The following EXOC4 variants were observed in gnomAD, a reference collection of about 807,000 sequenced individuals.
The protein encoded by EXOC4 is exocyst complex component 4.
A neutral mutation model predicts 107.2 loss-of-function variants in EXOC4; 71 were observed. That is an observed-to-expected ratio of 0.66 (90% CI 0.55 to 0.81). The LOEUF (loss-of-function observed/expected upper bound fraction) is 0.81. Among genes scored for constraint, EXOC4 ranks in the 30% least tolerant of loss-of-function variants. The probability of loss-of-function intolerance (pLI) is 0.00; values close to 1 mark genes in which losing one functional copy is unlikely to be tolerated. For synonymous variants in EXOC4, 456 were observed against 441.2 expected (o/e 1.03, Z -0.42); for missense variants, 1,108 against 1,189.6 (o/e 0.93, Z 1.01).
At chr7:133,257,245 G>C (rs930437021) in intron 1 of EXOC4, among the ~76,000 whole-genome samples, 1 of 150,758 alleles carries the variant, frequency 6.6e-6, no homozygotes, top group African/African-American at 2.5e-5. Context: ...AACCGGGGGG[G>C]ACAGAATCCT....
At chr7:133,955,327 T>C (rs572598746) in intron 14 of EXOC4, among the ~76,000 whole-genome samples, 10 of 152,152 alleles carry the variant, frequency 6.6e-5, no homozygotes, top group Non-Finnish European at 1.0e-4. Context: ...GCTCTCAGCA[T>C]AGAGGAGACC....
chr7:133,616,647 C>G (rs1802201361), intron 9 of EXOC4, among the ~76,000 whole-genome samples: 1 of 151,868 alleles, frequency 6.6e-6, no homozygotes, highest in Admixed American at 6.6e-5. Flanking sequence ...TCTTAGAAAA[C>G]AAAGAGAGTA....
At chr7:133,919,361 T>TA (rs1470160324) in intron 13 of EXOC4, among the ~76,000 whole-genome samples, 2 of 152,218 alleles carry the variant, frequency 1.3e-5, no homozygotes, top group African/African-American at 2.4e-5. Flanking sequence ...ATTGATGAGC[T>TA]AATACTGATA....
At chr7:133,811,081 A>T (rs1797217752) in intron 10 of EXOC4, among the ~76,000 whole-genome samples, 1 of 152,068 alleles carries the variant, frequency 6.6e-6, no homozygotes, top group Non-Finnish European at 1.5e-5. Flanking sequence ...CGCTCCCCAT[A>T]CAGCATTATG....
chr7:133,455,959 A>C (rs1798454382), intron 7 of EXOC4, among the ~76,000 whole-genome samples: 1 of 152,238 alleles, frequency 6.6e-6, no homozygotes, highest in Non-Finnish European at 1.5e-5. Flanking sequence ...CTGAGAAAAT[A>C]AATTATAAGG....
chr7:133,970,019 C>A (rs896800679), intron 14 of EXOC4, among the ~76,000 whole-genome samples: 2 of 152,218 alleles, frequency 1.3e-5, no homozygotes. Context: ...GGGGCTGCTG[C>A]CTTTCTTTCA....
intron 7 of EXOC4, among the ~76,000 whole-genome samples, chr7:133,464,716 TAAAAC>T (rs1029538054): frequency 2.0e-5 from 3 of 151,364 alleles, no homozygotes; most frequent in African/African-American, 7.3e-5. Flanking sequence ...ATACTAGTCT[TAAAAC>T]AGAGTAAAAT....
intron 6 of EXOC4, among the ~76,000 whole-genome samples, chr7:133,372,161 T>C (rs189345486): frequency 6.6e-6 from 1 of 152,374 alleles, no homozygotes; most frequent in East Asian, 1.9e-4. Flanking sequence ...TCATTTTATG[T>C]ATTGCCTTTT....
chr7:133,693,829 A>T lies in EXOC4; in HGVS notation c.1514+63688A>T, dbSNP rs192937055. Among the ~76,000 whole-genome samples, 37 of 152,344 alleles carry T rather than the reference A, an allele frequency of 2.4e-4. No individual in the cohort carries two copies. In the East Asian group the frequency reaches 6.9e-3, roughly 29 times the overall value. On this transcript the variant is annotated intron_variant, in intron 10 of 17. Coordinates refer to ENST00000253861, the MANE Select transcript of EXOC4 (RefSeq NM_021807.4). ...GATAGGAAGACACAACTAAGGTCTC[A>T]GATGAGGCTTCAGAAAAGAGATTAT...
At position 133,893,251 on chromosome 7, in the gene EXOC4, C is replaced by T. The variant is rs1799232185; in HGVS notation, c.1735-2348C>T. On this transcript the variant is annotated intron_variant, in intron 11 of 17. Coordinates refer to ENST00000253861, the MANE Select transcript of EXOC4 (RefSeq NM_021807.4). Reference sequence around the variant, plus strand: ...TTATCAGAGACTAGGATTGCAACCCCTGCCTTTTTTTGTTTTCCATTTGCT... The same window carrying T: ...TTATCAGAGACTAGGATTGCAACCCTTGCCTTTTTTTGTTTTCCATTTGCT... 2.5e-5 allele frequency among the ~76,000 whole-genome samples: 2 copies of T among 78,556 alleles called. 1 individual carries two copies. Among genetic ancestry groups the T allele is most frequent in the Non-Finnish European group, 4.4e-5 (2 of 45,566 alleles). 51.5% of individuals were successfully genotyped at this position (78,556 alleles called of 152,430 possible).
intron 14 of EXOC4, among the ~76,000 whole-genome samples, chr7:133,954,396 A>G (rs970218531): frequency 6.6e-6 from 1 of 152,234 alleles, no homozygotes; most frequent in African/African-American, 2.4e-5. Context: ...TTGAAGCTGT[A>G]ATCATTAGGA....
At chr7:133,796,396 A>G (rs1283082434) in intron 10 of EXOC4, among the ~76,000 whole-genome samples, 2 of 152,218 alleles carry the variant, frequency 1.3e-5, no homozygotes, top group African/African-American at 2.4e-5. Flanking sequence ...AAGATTCCTC[A>G]GTTCAGAAGG....
At chr7:133,861,318 A>G (rs893740744) in intron 11 of EXOC4, among the ~76,000 whole-genome samples, 1 of 152,204 alleles carries the variant, frequency 6.6e-6, no homozygotes, top group African/African-American at 2.4e-5. Context: ...TATGCTAGTT[A>G]CCTGGGTGGC....
At chr7:133,900,536 A>G (rs1281796948) in intron 12 of EXOC4, among the ~76,000 whole-genome samples, 1 of 152,182 alleles carries the variant, frequency 6.6e-6, no homozygotes, top group East Asian at 1.9e-4. Flanking sequence ...GGTAGCGAGG[A>G]GCCACTGAGT....
In EXOC4 at chr7:133,276,013, T is replaced by C. The variant is rs553768913; in HGVS notation, c.276+842T>C. ...AATATCATGCTTTAATTGTGACTAA[T>C]GTGTATTAAGTTTTATTTTGTAGTT... On this transcript the variant is annotated intron_variant, in intron 2 of 17. Coordinates refer to ENST00000253861, the MANE Select transcript of EXOC4 (RefSeq NM_021807.4). Among the ~76,000 whole-genome samples, 4 of 152,248 alleles carry C rather than the reference T, an allele frequency of 2.6e-5. No individual in the cohort carries two copies. In the East Asian group the frequency reaches 7.7e-4, roughly 29 times the overall value.
At chr7:133,603,038 A>G (rs1329904338) in intron 9 of EXOC4, among the ~76,000 whole-genome samples, 2 of 152,228 alleles carry the variant, frequency 1.3e-5, no homozygotes, top group African/African-American at 4.8e-5. Context: ...CCACATTGAA[A>G]AAATATGCAG....
chr7:133,967,082 A>G (rs1486615821), intron 14 of EXOC4, among the ~76,000 whole-genome samples: 3 of 151,994 alleles, frequency 2.0e-5, no homozygotes, highest in Non-Finnish European at 2.9e-5. Context: ...GAATTTATTC[A>G]TTTCTTCTGG....
At chr7:133,765,226 T>G (rs949822263) in intron 10 of EXOC4, among the ~76,000 whole-genome samples, 2 of 152,072 alleles carry the variant, frequency 1.3e-5, no homozygotes, top group African/African-American at 4.8e-5. Flanking sequence ...TTGCATCTAA[T>G]GAGGATTGCT....
intron 17 of EXOC4, among the ~76,000 whole-genome samples, chr7:134,059,160 C>T (rs935836618): frequency 6.6e-6 from 1 of 152,140 alleles, no homozygotes; most frequent in African/African-American, 2.4e-5. Flanking sequence ...GTTTATGGAA[C>T]GCCTACAAGT....
Sources: allele counts gnomAD v4.1 joint callset (sites outside exome capture counted in the v4.1 genomes callset), GRCh38; gene constraint gnomAD v4.1.1; transcripts MANE v1.5; gene names NCBI Gene and HGNC (gene_info 2026-07-23, HGNC 2026-07-21).